The following NLRC3 variants were observed in gnomAD, a reference collection of about 807,000 sequenced individuals.
The protein encoded by NLRC3 is NLR family CARD domain containing 3, also known as NLR family CARD domain-containing protein 3.
In NLRC3, 87 loss-of-function variants were observed where a neutral mutation model predicts 91.6. The observed-to-expected ratio is 0.95, with a 90% CI of 0.80 to 1.14. The LOEUF is 1.14. Ranked by LOEUF, NLRC3 falls within the 50% of genes most tolerant of loss-of-function variation. The probability of loss-of-function intolerance (pLI) is 0.00; values close to 1 mark genes in which losing one functional copy is unlikely to be tolerated. For missense variants in NLRC3, 1,577 were observed against 1,418.6 expected (o/e 1.11, Z -1.79); for synonymous variants, 694 against 625.3 (o/e 1.11, Z -1.64).
At chr16:3,550,378 C>A (rs756360142) in intron 11 of NLRC3, 36 bp downstream of exon 11, 1 of 1,432,586 alleles carries the variant, frequency 7.0e-7, no homozygotes, top group South Asian at 1.1e-5. Context: ...GGAAAGAGAA[C>A]CCAGGGGGAA....
chr16:3,544,178 A>G (rs1291446345), intron 16 of NLRC3, 68 bp downstream of exon 16: 12 of 928,308 alleles, frequency 1.3e-5, no homozygotes, highest in Non-Finnish European at 2.0e-5. Flanking sequence ...AAAAAAAAAA[A>G]AGACCTCTAA....
intron 8 of NLRC3, chr16:3,556,036 G>C (rs1003733174): frequency 6.6e-6 from 1 of 150,452 alleles, no homozygotes; most frequent in African/African-American, 2.4e-5. Flanking sequence ...GCTTTTAAAA[G>C]AGACATAACT....
At chr16:3,555,601 G>C (rs1051569662) in intron 8 of NLRC3, among the ~76,000 whole-genome samples, 2 of 151,908 alleles carry the variant, frequency 1.3e-5, no homozygotes, top group African/African-American at 4.8e-5. Flanking sequence ...ACAGAGTCTC[G>C]CTCTGTCGCC....
At chr16:3,548,585 G>T in intron 14 of NLRC3, 85 bp downstream of exon 14, 1 of 1,027,496 alleles carries the variant, frequency 9.7e-7, no homozygotes, top group Non-Finnish European at 1.5e-6. Context: ...CCCAAACCAG[G>T]TGTGGCCTGT....
intron 5 of NLRC3, among the ~76,000 whole-genome samples, chr16:3,562,212 T>A (rs1252770219): frequency 1.3e-5 from 2 of 152,184 alleles, no homozygotes; most frequent in African/African-American, 4.8e-5. Context: ...ACAAAAGATA[T>A]GAAGTCCTAA....
intron 10 of NLRC3, among the ~76,000 whole-genome samples, chr16:3,551,506 C>T (rs1470967092): frequency 6.7e-6 from 1 of 150,208 alleles, no homozygotes; most frequent in Non-Finnish European, 1.5e-5. Flanking sequence ...CATCTACCCA[C>T]TCACCCATTC....
intron 2 of NLRC3, among the ~76,000 whole-genome samples, chr16:3,566,101 C>CAAAAAAAAAAAA (rs1027448717): frequency 6.1e-4 from 13 of 21,316 alleles, no homozygotes; most frequent in Non-Finnish European, 8.3e-4. Context: ...GAGCAAAAAG[C>CAAAAAAAAAAAA]AAAAAAAAAA....
At chr16:3,551,353 C>T (rs2038988917) in intron 10 of NLRC3, among the ~76,000 whole-genome samples, 1 of 151,728 alleles carries the variant, frequency 6.6e-6, no homozygotes, top group African/African-American at 2.4e-5. Context: ...TTCAACCATC[C>T]ATCCATTCAC....
At chr16:3,560,761 G>T (rs1380188441) in intron 6 of NLRC3, among the ~76,000 whole-genome samples, 1 of 151,768 alleles carries the variant, frequency 6.6e-6, no homozygotes, top group Non-Finnish European at 1.5e-5. Flanking sequence ...CTGGGTTCAC[G>T]CCATTCTCCT....
rs1259688823 is a variant in NLRC3 at position 3,561,784 on chromosome 16, C to A, written c.1933G>T (p.Asp645Tyr). Residue 645 changes from aspartate (D) to tyrosine (Y), a missense_variant, in exon 6 of 20, where the codon GAC becomes TAC. Transcript: ENST00000359128. ...QLLYCRKLRL[D>Y]TNQFQDPVME... Reference sequence around the variant, plus strand: ...ACGGGGTCCTGGAACTGGTTGGTGTCCAGCCTGGCCAAGGGGAGCAGTGAC... The same window carrying A: ...ACGGGGTCCTGGAACTGGTTGGTGTACAGCCTGGCCAAGGGGAGCAGTGAC... 2.5e-6 allele frequency: 4 copies of A among 1,612,910 alleles called. No individual in the cohort carries two copies. Among genetic ancestry groups the A allele is most frequent in the African/African-American group, 2.7e-5 (2 of 75,040 alleles).
At chr16:3,548,973 T>C (rs2038848154) in intron 13 of NLRC3, among the ~76,000 whole-genome samples, 169 bp downstream of exon 13, 1 of 152,152 alleles carries the variant, frequency 6.6e-6, no homozygotes, top group Admixed American at 6.5e-5. Context: ...CAGTTTACAC[T>C]ATGAGAGTGG....
chr16:3,558,350 A>C (rs944681239), intron 6 of NLRC3, among the ~76,000 whole-genome samples: 1 of 152,042 alleles, frequency 6.6e-6, no homozygotes, highest in Admixed American at 6.6e-5. Context: ...ACAAAACAAA[A>C]AACAAATGCT....
At chr16:3,555,248 AG>A (rs1188120368) in intron 8 of NLRC3, among the ~76,000 whole-genome samples, 1 of 151,310 alleles carries the variant, frequency 6.6e-6, no homozygotes, top group Non-Finnish European at 1.5e-5. Flanking sequence ...AAAAAAAAAA[AG>A]TTAAAATAAA....
chr16:3,564,340 C>G lies in NLRC3; in HGVS notation c.597G>C (p.Pro199=). The change falls in exon 5 of 20, where the codon CCG becomes CCC. Residue 199 remains proline, a synonymous_variant. Transcript: ENST00000359128. This position sits in a 1 kb window ranked among gnomAD's most constrained non-coding sequence, Gnocchi z 5.9. The part of the protein sequence containing the change: ...CADRLICSVF[P]HVGEPSLAVA... Reference sequence around the variant, plus strand: ...CCGCCAGGCTGGGCTCCCCGACGTGCGGGAAGACCGAGCAGATGAGTCGGT... The same window carrying G: ...CCGCCAGGCTGGGCTCCCCGACGTGGGGGAAGACCGAGCAGATGAGTCGGT... 1 of 1,611,630 alleles carries G rather than the reference C, an allele frequency of 6.2e-7. No homozygotes were observed. The highest frequency in any genetic ancestry group is 8.5e-7 in the Non-Finnish European group (1 of 1,179,614).
intron 1 of NLRC3, among the ~76,000 whole-genome samples, chr16:3,568,191 TAGTAAAGTAAAAATAAGTAAAAC>T (rs1268895009): frequency 3.3e-5 from 5 of 151,630 alleles, no homozygotes; most frequent in Admixed American, 2.0e-4. Context: ...AATAAGTAAA[TAGTAAAGTAAAAATAAGTAAAAC>T]AGTAAAGTAA....
At position 3,564,493 on chromosome 16, in the gene NLRC3, G is replaced by A. The variant is rs1308826158; in HGVS notation, c.444C>T (p.Gly148=). Residue 148 remains glycine (G), a synonymous_variant, in exon 5 of 20, where the codon GGC becomes GGT. Coordinates refer to ENST00000359128, the MANE Select transcript of NLRC3 (RefSeq NM_178844.4). This position sits in a 1 kb window ranked among gnomAD's most constrained non-coding sequence, Gnocchi z 5.9. ...PRVSITIGVA[G]MGKTTLVRHF... ...GCCTCACCAGGGTGGTCTTGCCCAT[G>A]CCGGCCACCCCGATAGTGATGGAGA... The A allele has an allele frequency of 6.2e-7, 1 of 1,612,520 alleles. No individual in the cohort carries two copies. The highest frequency in any genetic ancestry group is 1.1e-5 in the South Asian group (1 of 91,076).
chr16:3,548,092 C>G, intron 15 of NLRC3, 43 bp downstream of exon 15: 1 of 1,389,552 alleles, frequency 7.2e-7, no homozygotes, highest in Non-Finnish European at 1.0e-6. Flanking sequence ...TTCCCCTGTC[C>G]TCAACAGCCC....
intron 10 of NLRC3, among the ~76,000 whole-genome samples, chr16:3,551,340 CCATT>C (rs2038987965): frequency 6.6e-6 from 1 of 151,166 alleles, no homozygotes; most frequent in Middle Eastern, 3.4e-3. Flanking sequence ...ATCCACTCAT[CCATT>C]CAACCATCCA....
chr16:3,547,627 T>C (rs987643890), intron 15 of NLRC3, among the ~76,000 whole-genome samples: 3 of 152,100 alleles, frequency 2.0e-5, no homozygotes, highest in South Asian at 2.1e-4. Context: ...TATGTGTATA[T>C]ATGTGTGTGT....
Sources: gnomAD v4.1 joint callset for allele counts (sites outside exome capture counted in the v4.1 genomes callset) on GRCh38, gnomAD v4.1.1 for gene constraint, Gnocchi (gnomAD v3.1) non-coding constraint, MANE v1.5 for transcripts, NCBI Gene and HGNC (gene_info 2026-07-23, HGNC 2026-07-21) for gene names.